SLC2A5: variants seen among roughly 807,000 people sequenced by gnomAD.
SLC2A5 encodes solute carrier family 2 member 5, also known as solute carrier family 2, facilitated glucose transporter member 5.
A neutral mutation model predicts 50.3 loss-of-function variants in SLC2A5; 56 were observed. The ratio of observed to expected loss-of-function variants is 1.11; its 90% CI spans 0.90 to 1.39. SLC2A5 has a LOEUF of 1.39. SLC2A5 is among the 40% of genes most tolerant of loss of function. The probability of loss-of-function intolerance (pLI) is 0.00; values close to 1 mark genes in which losing one functional copy is unlikely to be tolerated. For missense variants in SLC2A5, 566 were observed against 650.1 expected (o/e 0.87, Z 1.41); for synonymous variants, 269 against 281.9 (o/e 0.95, Z 0.46).
chr1:9,059,228 C>T (rs1641841742), intron 1 of SLC2A5, among the ~76,000 whole-genome samples: 5 of 147,260 alleles, frequency 3.4e-5, no homozygotes, highest in Admixed American at 2.7e-4. Context: ...CTGCAAGCTC[C>T]GCCTCCTGGG....
At chr1:9,056,781 G>T (rs1387878736) in intron 3 of SLC2A5, among the ~76,000 whole-genome samples, 2 of 152,144 alleles carry the variant, frequency 1.3e-5, no homozygotes, top group Non-Finnish European at 2.9e-5. Flanking sequence ...TGTTCACGAG[G>T]CTGGTGTCAC....
At chr1:9,089,140 T>C (rs1009014386), upstream of SLC2A5, among the ~76,000 whole-genome samples, 1 of 152,192 alleles carries the variant, frequency 6.6e-6, no homozygotes, top group Non-Finnish European at 1.5e-5. Flanking sequence ...TGGCTAATGA[T>C]GCAGTTCCCC....
chr1:9,047,902 G>C (rs1008491682), intron 3 of SLC2A5, among the ~76,000 whole-genome samples, 168 bp from the exon 4 acceptor site: 1 of 152,198 alleles, frequency 6.6e-6, no homozygotes, highest in Non-Finnish European at 1.5e-5. Context: ...TGCATGGCCT[G>C]GTGTGGGAAT....
upstream of SLC2A5, among the ~76,000 whole-genome samples, chr1:9,071,208 G>A (rs1028647624): frequency 1.3e-5 from 2 of 152,164 alleles, no homozygotes; most frequent in African/African-American, 2.4e-5. Flanking sequence ...TCAGGAGTTC[G>A]AGACCAGTCT....
chr1:9,067,718 G>A (rs748304691), intron 1 of SLC2A5, among the ~76,000 whole-genome samples: 3 of 152,242 alleles, frequency 2.0e-5, no homozygotes, highest in East Asian at 1.9e-4. Flanking sequence ...CTGCCCTCTC[G>A]GGGACATCGG....
chr1:9,060,245 TGTACACACACTAC>T (rs1641893696), intron 1 of SLC2A5, among the ~76,000 whole-genome samples: 1 of 59,326 alleles, frequency 1.7e-5, no homozygotes, highest in Non-Finnish European at 3.1e-5. Context: ...ACACCCCCCA[TGTACACACACTAC>T]ACACACACTC....
chr1:9,075,347 C>T (rs12752678), intron 2 of SLC2A5, among the ~76,000 whole-genome samples: 7 of 152,216 alleles, frequency 4.6e-5, no homozygotes, highest in East Asian at 1.9e-4. Flanking sequence ...GCAGCCGTGG[C>T]GTAATCCAAC....
intron 4 of SLC2A5, among the ~76,000 whole-genome samples, chr1:9,042,593 CTGTG>C (rs534980545): frequency 0.025 from 3,268 of 131,702 alleles, 129 homozygotes; most frequent in African/African-American, 0.088. Flanking sequence ...TATATGGCCT[CTGTG>C]TGTGTGTGTG....
intron 2 of SLC2A5, among the ~76,000 whole-genome samples, chr1:9,076,939 G>C (rs2124472375): frequency 6.6e-6 from 1 of 151,900 alleles, no homozygotes; most frequent in South Asian, 2.1e-4. Context: ...ACAGGCGCCT[G>C]CCACCACGCA....
At chr1:9,081,738 T>C (rs1642355500) in intron 2 of SLC2A5, among the ~76,000 whole-genome samples, 1 of 151,956 alleles carries the variant, frequency 6.6e-6, no homozygotes, top group Non-Finnish European at 1.5e-5. Context: ...AAATGAGGTA[T>C]CACTTCACAC....
intron 3 of SLC2A5, among the ~76,000 whole-genome samples, chr1:9,055,729 A>G (rs1445514971): frequency 1.3e-5 from 2 of 151,994 alleles, no homozygotes; most frequent in Admixed American, 6.6e-5. Context: ...CAGCCTGGCC[A>G]ATATGGTGAA....
intron 7 of SLC2A5, 22 bp downstream of exon 7, chr1:9,039,778 C>A: frequency 1.3e-6 from 2 of 1,496,116 alleles, no homozygotes; most frequent in East Asian, 2.7e-5. Context: ...CCCCAGCTCC[C>A]GAGCCGCAGC....
At chr1:9,068,911 C>T (rs1448997709) in intron 1 of SLC2A5, among the ~76,000 whole-genome samples, 2 of 152,156 alleles carry the variant, frequency 1.3e-5, no homozygotes, top group Non-Finnish European at 1.5e-5. Context: ...ACTTTTCTGA[C>T]ATTATGCATT....
intron 1 of SLC2A5, among the ~76,000 whole-genome samples, chr1:9,065,763 C>T (rs1328286538): frequency 1.3e-5 from 2 of 151,912 alleles, no homozygotes; most frequent in Admixed American, 6.6e-5. Flanking sequence ...TTTGGGAGGC[C>T]GAGGCAGGAG....
intron 1 of SLC2A5, among the ~76,000 whole-genome samples, chr1:9,063,054 A>G (rs148923516): frequency 2.3e-4 from 35 of 152,292 alleles, no homozygotes; most frequent in African/African-American, 8.4e-4. Context: ...AAGACTTGCT[A>G]TCCCATGAGG....
In SLC2A5 at chr1:9,064,540, C is replaced by T. The variant is rs199815738; in HGVS notation, c.33+4964G>A. On this transcript the variant is annotated intron_variant, in intron 1 of 11. Coordinates refer to ENST00000377424, the MANE Select transcript of SLC2A5 (RefSeq NM_003039.3). ...GAACATTTTGAGACTTTAGTAATAACGACCACCCCAAGAAAGAAAAGAAAC... is the reference window on the plus strand; with the variant it reads ...GAACATTTTGAGACTTTAGTAATAATGACCACCCCAAGAAAGAAAAGAAAC... Among the ~76,000 whole-genome samples, 27 of 152,226 alleles carry T rather than the reference C, an allele frequency of 1.8e-4. No individual in the cohort carries two copies. The South Asian group carries it at 5.0e-3, about 28-fold the overall frequency.
intron 3 of SLC2A5, among the ~76,000 whole-genome samples, chr1:9,055,647 G>A (rs1641732370): frequency 1.3e-5 from 2 of 152,260 alleles, no homozygotes; most frequent in South Asian, 4.1e-4. Context: ...CACATGCAGT[G>A]TTTCACCTCT....
intron 1 of SLC2A5, among the ~76,000 whole-genome samples, chr1:9,066,464 G>A (rs1463344180): frequency 1.3e-5 from 2 of 152,088 alleles, no homozygotes; most frequent in Non-Finnish European, 2.9e-5. Context: ...CAAACTTGTG[G>A]GCTCAAGCAA....
In SLC2A5 at chr1:9,039,842, G is replaced by T; in HGVS notation, c.843C>A (p.Ile281=). 1 of 1,609,776 alleles carries T rather than the reference G, an allele frequency of 6.2e-7. No individual in the cohort carries two copies. Among genetic ancestry groups the T allele is most frequent in the Non-Finnish European group, 8.5e-7 (1 of 1,178,670 alleles). The change falls in exon 7 of 12, where the codon ATC becomes ATA. Residue 281 remains isoleucine (I), a synonymous_variant. Coordinates refer to ENST00000377424, the MANE Select transcript of SLC2A5 (RefSeq NM_003039.3). ...MRSLRWQLLS[I]IVLMGGQQLS... is the part of the protein sequence containing the mutation. ...GCTGCTGGCCGCCCATGAGGACGATGATGGACAGCAGCTGCCAGCGCAGCG... is the reference window on the plus strand; with the variant it reads ...GCTGCTGGCCGCCCATGAGGACGATTATGGACAGCAGCTGCCAGCGCAGCG...
Sources: allele counts gnomAD v4.1 joint callset (sites outside exome capture counted in the v4.1 genomes callset), GRCh38; gene constraint gnomAD v4.1.1; transcripts MANE v1.5; gene names NCBI Gene and HGNC (gene_info 2026-07-23, HGNC 2026-07-21).